Variants in IQSEC1 observed in about 807,000 individuals in gnomAD.
IQSEC1 encodes IQ motif and Sec7 domain ArfGEF 1.
In IQSEC1, 31 loss-of-function variants were observed where a neutral mutation model predicts 91.0. The ratio of observed to expected loss-of-function variants is 0.34; its 90% CI spans 0.26 to 0.46. The LOEUF is 0.46. Ranked by LOEUF, IQSEC1 falls within the 20% of genes least tolerant of loss-of-function variation. The pLI, the probability that IQSEC1 is intolerant of heterozygous loss-of-function variation, is 1.00. For missense variants in IQSEC1, 1,388 were observed against 1,575.6 expected, an observed-to-expected ratio of 0.88 and a Z score of 2.02; for synonymous variants, 699 against 662.6, an observed-to-expected ratio of 1.05 and a Z score of -0.84.
intron 10 of IQSEC1, among the ~76,000 whole-genome samples, chr3:12,911,341 T>G (rs898128315): frequency 2.0e-5 from 3 of 152,246 alleles, no homozygotes; most frequent in African/African-American, 7.2e-5. Context: ...TTTACATAAA[T>G]GTATTTCTGC....
At position 13,214,684 on chromosome 3, in the gene IQSEC1, C is replaced by T. The variant is rs114703179; in HGVS notation, c.273-50551G>A. On this transcript the variant is annotated intron_variant, in intron 1 of 15. Coordinates refer to the IQSEC1 transcript ENST00000648114. The surrounding 1 kb of genome is among the most constrained non-coding windows in gnomAD (Gnocchi z 4.5). ...GCCATCAAGGGGCCACTGTGGCACA[C>T]GAGCTGGTGTCCGGTGGAGCACGGT... Among the ~76,000 whole-genome samples, 2,042 of 152,308 alleles carry T rather than the reference C, an allele frequency of 0.013. 45 individuals are homozygous for T. The highest frequency in any genetic ancestry group is 0.046 in the African/African-American group (1,932 of 41,556).
Position 12,924,305 on chromosome 3 carries a change from A to G in IQSEC1, c.1730+276T>C, listed in dbSNP as rs918968894. On this transcript the variant is annotated intron_variant, in intron 4 of 13. Coordinates refer to ENST00000613206, the MANE Select transcript of IQSEC1 (RefSeq NM_001134382.3). The surrounding 1 kb of genome is among the most constrained non-coding windows in gnomAD (Gnocchi z 6.3). ...ATCAACCGTGCTTAGGGATGGAGGG[A>G]AGGGAGGGGCCAAGGGTGCATGCCA... 9.2e-5 allele frequency among the ~76,000 whole-genome samples: 14 copies of G among 152,006 alleles called. No individual in the cohort carries two copies. The highest frequency in any genetic ancestry group is 3.4e-4 in the African/African-American group (14 of 41,372).
intron 1 of IQSEC1, among the ~76,000 whole-genome samples, chr3:13,015,110 G>A (rs1703058694): frequency 6.6e-6 from 1 of 152,210 alleles, no homozygotes; most frequent in African/African-American, 2.4e-5. Context: ...GGAGCCCTGG[G>A]CCACTGTGTG....
chr3:13,272,860 C>T (rs1695612068), intron 1 of IQSEC1, among the ~76,000 whole-genome samples: 2 of 152,122 alleles, frequency 1.3e-5, no homozygotes, highest in Admixed American at 6.5e-5. Flanking sequence ...GATAACACAT[C>T]GTACAAAGGG....
intron 1 of IQSEC1, among the ~76,000 whole-genome samples, chr3:12,952,322 G>A (rs1215541518): frequency 6.6e-6 from 1 of 152,130 alleles, no homozygotes; most frequent in Non-Finnish European, 1.5e-5. Flanking sequence ...TCAGCGGGGT[G>A]CAGTTGGGGT....
intron 1 of IQSEC1, among the ~76,000 whole-genome samples, chr3:13,195,148 A>G (rs759825877): frequency 3.9e-5 from 6 of 152,364 alleles, no homozygotes; most frequent in Non-Finnish European, 7.3e-5. Flanking sequence ...ATTGAACAGT[A>G]AAACACCAAA....
intron 1 of IQSEC1, among the ~76,000 whole-genome samples, chr3:13,202,529 CA>C (rs1405947987): frequency 1.3e-5 from 2 of 151,954 alleles, no homozygotes; most frequent in Non-Finnish European, 2.9e-5. Context: ...AAGCCAGTCA[CA>C]AAAAAATAAA....
At chr3:13,115,649 A>C (rs1368747734) in intron 2 of IQSEC1, among the ~76,000 whole-genome samples, 3 of 152,248 alleles carry the variant, frequency 2.0e-5, no homozygotes, top group Non-Finnish European at 4.4e-5. Flanking sequence ...TCAGGCTGTC[A>C]GAACGTTCTG....
Position 12,922,225 on chromosome 3 carries a change from A to G in IQSEC1, c.1748T>C (p.Met583Thr). Residue 583 changes from methionine to threonine, a missense_variant, in exon 5 of 14, where the codon ATG (methionine) becomes ACG (threonine). Physicochemically the swap from Met to Thr is moderately conservative, Grantham distance 81. Around this residue, in one of 2 missense-constraint regions of IQSEC1, gnomAD observed 1,059 missense variants for 1,317.8 expected, o/e 0.80. Transcript: ENST00000613206. The surrounding 1 kb of genome is among the most constrained non-coding windows in gnomAD (Gnocchi z 5.1). The part of the protein sequence containing the change: ...RDVLDCVVDE[M>T]DFSTMELDEA... ...ATCCAGCTCCATGGTAGAGAAGTCC[A>G]TCTCGTCCACGACGCAGCTGGAATA... 6.3e-7 allele frequency: 1 copy of G among 1,597,270 alleles called. No homozygotes were observed. The highest frequency in any genetic ancestry group is 8.6e-7 in the Non-Finnish European group (1 of 1,168,578).
intron 2 of IQSEC1, among the ~76,000 whole-genome samples, chr3:13,081,842 A>G (rs538757722): frequency 8.5e-4 from 130 of 152,274 alleles, no homozygotes; most frequent in Middle Eastern, 3.4e-3. Context: ...CTAAGAATCT[A>G]TTCTGGTCCT....
intron 1 of IQSEC1, among the ~76,000 whole-genome samples, chr3:13,001,231 G>A (rs1234770437): frequency 6.6e-6 from 1 of 152,122 alleles, no homozygotes; most frequent in Admixed American, 6.5e-5. Flanking sequence ...AAAGTGTTGG[G>A]ATTACAGGCA....
At chr3:13,029,651 C>T (rs111501155) in intron 1 of IQSEC1, among the ~76,000 whole-genome samples, 9 of 152,236 alleles carry the variant, frequency 5.9e-5, no homozygotes, top group Non-Finnish European at 1.3e-4. Flanking sequence ...TCAAGGGGGG[C>T]CAAACAGGAA....
chr3:13,171,609 C>T (rs1576281331), intron 1 of IQSEC1, among the ~76,000 whole-genome samples: 1 of 152,294 alleles, frequency 6.6e-6, no homozygotes, highest in Admixed American at 6.5e-5. Flanking sequence ...CCTCAGCTTC[C>T]AGAGTGTCTG....
chr3:12,951,470 A>C (rs1214401553), intron 1 of IQSEC1, among the ~76,000 whole-genome samples: 1 of 152,202 alleles, frequency 6.6e-6, no homozygotes, highest in Non-Finnish European at 1.5e-5. Context: ...TTAGAATAAA[A>C]GAAGAGACAT....
At chr3:13,072,239 G>A (rs948823964) in intron 1 of IQSEC1, among the ~76,000 whole-genome samples, 30 of 152,238 alleles carry the variant, frequency 2.0e-4, no homozygotes, top group Non-Finnish European at 3.4e-4. Context: ...CCCCGCAGCC[G>A]AGGGTCCCAG....
intron 9 of IQSEC1, among the ~76,000 whole-genome samples, chr3:12,913,166 G>C (rs578197709): frequency 3.2e-4 from 48 of 152,366 alleles, no homozygotes; most frequent in African/African-American, 1.1e-3. Flanking sequence ...ACAAGGTACA[G>C]GTGCAGACAG....
rs1277949131 is a variant in IQSEC1 at position 13,193,967 on chromosome 3, CA to C, written c.273-29835del. On this transcript the variant is annotated intron_variant, in intron 1 of 15. Transcript: ENST00000648114. This position sits in a 1 kb window ranked among gnomAD's most constrained non-coding sequence, Gnocchi z 4.2. ...ATTCGGAAAGCAAGGCTTTGGTTGG[CA>C]AGGGTGGTTTCTCTGGCAGCCTCTC... is the stretch of plus-strand genomic sequence containing the variant. Among the ~76,000 whole-genome samples, 1 of 152,184 alleles carries C rather than the reference CA, an allele frequency of 6.6e-6. No individual in the cohort carries two copies. The highest frequency in any genetic ancestry group is 1.5e-5 in the Non-Finnish European group (1 of 68,032).
intron 2 of IQSEC1, among the ~76,000 whole-genome samples, chr3:13,102,466 C>T (rs2124834617): frequency 6.6e-6 from 1 of 151,936 alleles, no homozygotes; most frequent in South Asian, 2.1e-4. Flanking sequence ...GTGGTTTGGG[C>T]CCATGGTTTC....
chr3:13,035,774 C>T (rs1165934157), intron 1 of IQSEC1, among the ~76,000 whole-genome samples: 1 of 152,178 alleles, frequency 6.6e-6, no homozygotes, highest in African/African-American at 2.4e-5. Context: ...TGTGACTGTC[C>T]TGGTGAAGAT....
Sources: allele counts gnomAD v4.1 joint callset (sites outside exome capture counted in the v4.1 genomes callset), GRCh38; gene constraint gnomAD v4.1.1; regional missense constraint gnomAD v4.1.1; non-coding constraint Gnocchi (gnomAD v3.1); transcripts MANE v1.5; gene names NCBI Gene and HGNC (gene_info 2026-07-23, HGNC 2026-07-21).